EPHA3: variants seen among roughly 807,000 people sequenced by gnomAD.
The protein encoded by EPHA3 is EPH receptor A3, also known as ephrin type-A receptor 3.
Under a neutral mutation model 107.1 loss-of-function variants are expected in EPHA3, and 42 were observed. That is an observed-to-expected ratio of 0.39 (90% confidence interval 0.31 to 0.51). EPHA3 has a LOEUF of 0.51. Ranked by LOEUF, EPHA3 falls within the 20% of genes least tolerant of loss-of-function variation. The pLI is 0.78. For missense variants in EPHA3, 1,183 were observed against 1,211.2 expected (o/e 0.98, Z 0.35); for synonymous variants, 461 against 424.8 (o/e 1.09, Z -1.05).
At chr3:89,357,698 G>A (rs555865245) in intron 5 of EPHA3, among the ~76,000 whole-genome samples, 5 of 151,104 alleles carry the variant, frequency 3.3e-5, no homozygotes, top group Admixed American at 1.3e-4. Flanking sequence ...ATTTCAAAAG[G>A]TTTTTCATAG....
chr3:89,122,374 C>CATGTGCATTATT, intron 1 of EPHA3, among the ~76,000 whole-genome samples: 1 of 152,240 alleles, frequency 6.6e-6, no homozygotes, highest in South Asian at 2.1e-4. Flanking sequence ...TACTAGAGAA[C>CATGTGCATTATT]ATGTGCATTA....
chr3:89,257,483 A>G (rs1705312272), intron 3 of EPHA3, among the ~76,000 whole-genome samples: 2 of 152,080 alleles, frequency 1.3e-5, no homozygotes, highest in South Asian at 2.1e-4. Context: ...TTTTGGAGAA[A>G]TAGTTGATTC....
chr3:89,454,597 A>T (rs182038852), intron 15 of EPHA3, among the ~76,000 whole-genome samples: 1 of 152,134 alleles, frequency 6.6e-6, no homozygotes, highest in African/African-American at 2.4e-5. Flanking sequence ...AGCCTCCAGA[A>T]TCTTCTTATC....
intron 2 of EPHA3, among the ~76,000 whole-genome samples, chr3:89,164,862 A>T (rs1350988862): frequency 6.6e-6 from 1 of 152,222 alleles, no homozygotes; most frequent in South Asian, 2.1e-4. Flanking sequence ...AAATGAAATT[A>T]TCTGATAATA....
At position 89,120,544 on chromosome 3, in the gene EPHA3, C is replaced by T. The variant is rs78963428; in HGVS notation, c.89-6665C>T. ...ATAATAGTTTTGATATCAGTATGACCTTTATATTTCTCTGATTAAAAGAGA... is the reference window on the plus strand; with the variant it reads ...ATAATAGTTTTGATATCAGTATGACTTTTATATTTCTCTGATTAAAAGAGA... On this transcript the variant is annotated intron_variant, in intron 1 of 16. Transcript: ENST00000336596. 2.7e-3 allele frequency among the ~76,000 whole-genome samples: 414 copies of T among 152,168 alleles called. 5 individuals carry two copies. Among genetic ancestry groups the T allele is most frequent in the African/African-American group, 8.8e-3 (366 of 41,518 alleles).
At chr3:89,358,221 T>A (rs1708009060) in intron 5 of EPHA3, among the ~76,000 whole-genome samples, 1 of 151,092 alleles carries the variant, frequency 6.6e-6, no homozygotes, top group Non-Finnish European at 1.5e-5. Context: ...ATGGCTACAT[T>A]GAGATATTGT....
chr3:89,365,455 G>A (rs552884268), intron 5 of EPHA3, among the ~76,000 whole-genome samples: 2 of 150,630 alleles, frequency 1.3e-5, no homozygotes, highest in East Asian at 3.9e-4. Flanking sequence ...AAATAAAGGG[G>A]CTACAGGCAT....
chr3:89,404,674 T>TAAA (rs1271564672), intron 7 of EPHA3, among the ~76,000 whole-genome samples: 3 of 152,224 alleles, frequency 2.0e-5, no homozygotes, highest in Non-Finnish European at 2.9e-5. Flanking sequence ...AGTTATGTGC[T>TAAA]TTAGATAGCC....
intron 3 of EPHA3, among the ~76,000 whole-genome samples, chr3:89,293,601 C>A (rs1479633869): frequency 6.6e-6 from 1 of 152,098 alleles, no homozygotes; most frequent in Non-Finnish European, 1.5e-5. Context: ...GGGACAATTT[C>A]CCCATGCGTT....
chr3:89,121,134 G>A (rs543214258), intron 1 of EPHA3, among the ~76,000 whole-genome samples: 3 of 152,250 alleles, frequency 2.0e-5, no homozygotes, highest in Non-Finnish European at 4.4e-5. Context: ...TACTCGGGAG[G>A]CTGAGGCAGG....
intron 5 of EPHA3, among the ~76,000 whole-genome samples, chr3:89,391,396 T>TCTTTC (rs1329250408): frequency 1.4e-5 from 2 of 147,286 alleles, no homozygotes; most frequent in Non-Finnish European, 3.0e-5. Context: ...TCTTTTCTTT[T>TCTTTC]CTTTTCTTTT....
At chr3:89,176,503 A>T (rs1163416896) in intron 2 of EPHA3, among the ~76,000 whole-genome samples, 191 of 151,404 alleles carry the variant, frequency 1.3e-3, no homozygotes, top group Middle Eastern at 6.8e-3. Context: ...TCTCTAAAAA[A>T]AAAAAAAAAA....
At position 89,420,882 on chromosome 3, in the gene EPHA3, T is replaced by C. The variant is rs137875855; in HGVS notation, c.2074+1492T>C. ...GTTTTTCATTATGAAGTATCTGTTA[T>C]GTGCCCACATTATACTATGACATTA... On this transcript the variant is annotated intron_variant, in intron 11 of 16. Coordinates refer to ENST00000336596, the MANE Select transcript of EPHA3 (RefSeq NM_005233.6). Among the ~76,000 whole-genome samples the C allele has an allele frequency of 2.1e-3, 318 of 151,612 alleles. 5 individuals are homozygous for C. In the East Asian group the frequency reaches 0.055, roughly 26 times the overall value.
intron 15 of EPHA3, among the ~76,000 whole-genome samples, chr3:89,455,245 C>T (rs1488372113): frequency 6.6e-6 from 1 of 152,078 alleles, no homozygotes; most frequent in Non-Finnish European, 1.5e-5. Context: ...AAAGGAATAG[C>T]TGCGAAAGAG....
At position 89,254,433 on chromosome 3, in the gene EPHA3, G is replaced by C. The variant is rs577169649; in HGVS notation, c.814+43913G>C. 2.4e-4 allele frequency among the ~76,000 whole-genome samples: 37 copies of C among 152,160 alleles called. No homozygotes were observed. The South Asian group carries it at 5.8e-3, about 24-fold the overall frequency. On this transcript the variant is annotated intron_variant, in intron 3 of 16. Transcript: ENST00000336596. Reference sequence around the variant, plus strand: ...TATAATTGCATGTCTAATAAATCCTGGAATTATTTTCTCAGGCCAAAATGC... The same window carrying C: ...TATAATTGCATGTCTAATAAATCCTCGAATTATTTTCTCAGGCCAAAATGC...
At chr3:89,273,542 C>T (rs922608586) in intron 3 of EPHA3, among the ~76,000 whole-genome samples, 2 of 151,668 alleles carry the variant, frequency 1.3e-5, no homozygotes, top group African/African-American at 4.8e-5. Context: ...AAAAAATATG[C>T]CAAGAGTGAG....
intron 2 of EPHA3, among the ~76,000 whole-genome samples, chr3:89,130,622 A>G (rs1035518263): frequency 2.8e-5 from 4 of 144,048 alleles, no homozygotes; most frequent in African/African-American, 1.0e-4. Context: ...TAGTATTTCT[A>G]TCTCCTTTTT....
chr3:89,227,857 T>C (rs1704536254), intron 3 of EPHA3, among the ~76,000 whole-genome samples: 1 of 152,006 alleles, frequency 6.6e-6, no homozygotes, highest in Non-Finnish European at 1.5e-5. Context: ...GTTGTTTAAA[T>C]TGGAAAGGTC....
intron 1 of EPHA3, among the ~76,000 whole-genome samples, chr3:89,114,966 T>G (rs904756852): frequency 2.0e-5 from 3 of 152,192 alleles, no homozygotes; most frequent in Non-Finnish European, 4.4e-5. Flanking sequence ...CGCATTGCTG[T>G]CAGCTAGGCT....
Sources: gnomAD v4.1 joint callset for allele counts (sites outside exome capture counted in the v4.1 genomes callset) on GRCh38, gnomAD v4.1.1 for gene constraint, MANE v1.5 for transcripts, NCBI Gene and HGNC (gene_info 2026-07-23, HGNC 2026-07-21) for gene names.